IDE: variants seen among roughly 807,000 people sequenced by gnomAD.
IDE encodes insulin-degrading enzyme.
A neutral mutation model predicts 133.2 loss-of-function variants in IDE; 58 were observed. The observed-to-expected ratio is 0.44, with a 90% CI of 0.35 to 0.54. IDE has a LOEUF of 0.54. Ranked by LOEUF, IDE falls within the 20% of genes least tolerant of loss-of-function variation. The pLI is 0.00. For synonymous variants in IDE, 396 were observed against 421.3 expected (o/e 0.94, Z 0.73); for missense variants, 981 against 1,234.0 (o/e 0.79, Z 3.07).
rs893964286 is a variant in IDE, at chr10:92,573,926, A to T, written c.94T>A (p.Cys32Ser). 1.0e-5 allele frequency: 15 copies of T among 1,465,504 alleles called. No homozygotes were observed. The highest frequency in any genetic ancestry group is 1.7e-4 in the Middle Eastern group (1 of 5,734). 90.8% of individuals were successfully genotyped at this position (1,465,504 alleles called of 1,614,324 possible). Residue 32 changes from cysteine to serine, a missense_variant, in exon 1 of 25, where the codon TGT (cysteine) becomes AGT (serine). Coordinates refer to ENST00000265986, the MANE Select transcript of IDE (RefSeq NM_004969.4). Reference sequence around the variant, plus strand: ...CGGGCGCTCCATTCCGCTTACCCACACAGGCGCTCCGGAGGCGGCAGGCGG... The same window carrying T: ...CGGGCGCTCCATTCCGCTTACCCACTCAGGCGCTCCGGAGGCGGCAGGCGG... Reference protein sequence around the residue: ...GARLPPPERLCGFQKKTYSKM... With the variant: ...GARLPPPERLSGFQKKTYSKM...
At chr10:92,505,429 C>G (rs910959871) in intron 10 of IDE, among the ~76,000 whole-genome samples, 1 of 152,140 alleles carries the variant, frequency 6.6e-6, no homozygotes, top group African/African-American at 2.4e-5. Flanking sequence ...TTCCAATATA[C>G]TGAGACACAC....
chr10:92,465,748 T>C lies in IDE; in HGVS notation c.2416A>G (p.Met806Val). The C allele has an allele frequency of 6.2e-7, 1 of 1,613,892 alleles. No individual in the cohort carries two copies. The highest frequency in any genetic ancestry group is 1.3e-5 in the African/African-American group (1 of 75,028). The stretch of plus-strand genomic sequence containing the variant: ...ATCTGACAGAAGAGCTCCAGAAACA[T>C]ATTCTCTGAGGTGCTTTGCATGTCT... ...QTDMQSTSEN[M>V]FLELFCQIIS... Residue 806 changes from methionine (M) to valine (V), a missense_variant, in exon 20 of 25, where the codon ATG becomes GTG. Physicochemically the swap from Met to Val is conservative, Grantham distance 21. Coordinates refer to ENST00000265986, the MANE Select transcript of IDE (RefSeq NM_004969.4).
chr10:92,508,375 A>C (rs1848409724), intron 7 of IDE, among the ~76,000 whole-genome samples, 170 bp from the exon 8 acceptor site: 1 of 152,160 alleles, frequency 6.6e-6, no homozygotes, highest in South Asian at 2.1e-4. Context: ...GATGGTGCAG[A>C]AGTGGGGGCT....
intron 2 of IDE, 102 bp downstream of exon 2, chr10:92,537,264 C>T (rs765337685): frequency 3.9e-5 from 32 of 828,292 alleles, no homozygotes; most frequent in African/African-American, 6.9e-5. Flanking sequence ...TACATGGAAC[C>T]GGTAACTATT....
intron 11 of IDE, among the ~76,000 whole-genome samples, chr10:92,491,310 G>A (rs560331426): frequency 6.6e-6 from 1 of 151,558 alleles, no homozygotes; most frequent in Admixed American, 6.6e-5. Context: ...AGAATTAACA[G>A]GAATGACTAA....
chr10:92,496,894 C>G (rs1248267047), intron 11 of IDE, among the ~76,000 whole-genome samples: 2 of 152,210 alleles, frequency 1.3e-5, no homozygotes. Context: ...TGTCCATCAT[C>G]TTTTAGAAAT....
chr10:92,538,423 G>A (rs1456052122), intron 1 of IDE, among the ~76,000 whole-genome samples: 3 of 152,214 alleles, frequency 2.0e-5, no homozygotes, highest in Admixed American at 1.3e-4. Context: ...AGAGACCGGT[G>A]CTGTCCTATG....
intron 1 of IDE, among the ~76,000 whole-genome samples, chr10:92,566,424 C>T (rs1843554021): frequency 6.6e-6 from 1 of 151,750 alleles, no homozygotes; most frequent in South Asian, 2.1e-4. Context: ...CACACACACA[C>T]ACACACACAC....
Position 92,470,553 on chromosome 10 carries a change from T to C in IDE, c.2117-208A>G, listed in dbSNP as rs529835222. On this transcript the variant is annotated intron_variant, in intron 17 of 24. Coordinates refer to ENST00000265986, the MANE Select transcript of IDE (RefSeq NM_004969.4). The stretch of plus-strand genomic sequence containing the variant: ...ATACTATTAACTAAAGTACAGACTT[T>C]ATTTGGATTTTTCCCATTTTTATCT... Among the ~76,000 whole-genome samples, 3 of 152,374 alleles carry C rather than the reference T, an allele frequency of 2.0e-5. No homozygotes were observed. In the South Asian group the frequency reaches 6.2e-4, roughly 32 times the overall value.
chr10:92,475,749 T>G, intron 16 of IDE, 135 bp downstream of exon 16: 1 of 493,252 alleles, frequency 2.0e-6, no homozygotes, highest in African/African-American at 2.0e-5. Flanking sequence ...AATGACAAGG[T>G]GAGATGAATG....
chr10:92,498,984 T>C (rs780860999), intron 11 of IDE, among the ~76,000 whole-genome samples: 5 of 152,126 alleles, frequency 3.3e-5, no homozygotes, highest in African/African-American at 9.7e-5. Context: ...CCTGGAAATA[T>C]AGGTACACTG....
At chr10:92,497,612 T>C (rs530025528) in intron 11 of IDE, 1 of 387,122 alleles carries the variant, frequency 2.6e-6, no homozygotes, top group African/African-American at 2.2e-5. Flanking sequence ...TCCTGTTTAT[T>C]TCCCTACCTG....
At chr10:92,484,830 G>T (rs1846870682) in intron 13 of IDE, among the ~76,000 whole-genome samples, 1 of 152,078 alleles carries the variant, frequency 6.6e-6, no homozygotes, top group Admixed American at 6.6e-5. Flanking sequence ...GGCTGAGGCA[G>T]GATCGCTTGA....
At chr10:92,503,371 T>A (rs1008789690) in intron 11 of IDE, among the ~76,000 whole-genome samples, 4 of 152,238 alleles carry the variant, frequency 2.6e-5, no homozygotes, top group African/African-American at 9.6e-5. Context: ...GGTGTCACTA[T>A]GCTGCTCAGG....
intron 22 of IDE, among the ~76,000 whole-genome samples, chr10:92,457,842 C>T (rs987790685): frequency 1.3e-5 from 2 of 152,182 alleles, no homozygotes; most frequent in Non-Finnish European, 2.9e-5. Flanking sequence ...GCTCCCCACT[C>T]TACTCCCTGC....
intron 1 of IDE, among the ~76,000 whole-genome samples, chr10:92,566,891 G>A (rs951907624): frequency 1.3e-5 from 2 of 152,276 alleles, no homozygotes; most frequent in South Asian, 4.2e-4. Context: ...CAGCAAGAGC[G>A]TTACAGCTGA....
chr10:92,464,052 G>A, intron 20 of IDE, 49 bp from the exon 21 acceptor site: 1 of 1,562,970 alleles, frequency 6.4e-7, no homozygotes, highest in Non-Finnish European at 8.7e-7. Context: ...TGAGACCTGG[G>A]TCATTTTTAA....
intron 2 of IDE, among the ~76,000 whole-genome samples, chr10:92,536,701 A>AG (rs1491207342): frequency 3.4e-4 from 1 of 2,972 alleles, no homozygotes; most frequent in African/African-American, 0.017. Flanking sequence ...TCCCACTCAG[A>AG]AAAAAAAAAA....
At chr10:92,503,832 T>C (rs540303653) in intron 11 of IDE, among the ~76,000 whole-genome samples, 257 of 151,962 alleles carry the variant, frequency 1.7e-3, no homozygotes, top group Admixed American at 3.1e-3. Flanking sequence ...GATTCTCCTG[T>C]TGCAGCCTCC....
Sources: gnomAD v4.1 joint callset for allele counts (sites outside exome capture counted in the v4.1 genomes callset) on GRCh38, gnomAD v4.1.1 for gene constraint, MANE v1.5 for transcripts, NCBI Gene and HGNC (gene_info 2026-07-23, HGNC 2026-07-21) for gene names.